REDIC1: variants seen among roughly 807,000 people sequenced by gnomAD.
The protein encoded by REDIC1 is HEI10 Interacting Protein 1.
At chr12:39,813,286 T>C in the REDIC1 span, among the ~76,000 whole-genome samples, 1 of 152,140 alleles carries the variant, frequency 6.6e-6, no homozygotes, top group Non-Finnish European at 1.5e-5. Flanking sequence ...GCATTTATTT[T>C]GACATACATC....
At chr12:39,802,865 T>C in the REDIC1 span, among the ~76,000 whole-genome samples, 80 of 152,192 alleles carry the variant, frequency 5.3e-4, no homozygotes, top group East Asian at 9.5e-3. Flanking sequence ...ATGAATAATC[T>C]AGGAACCTCC....
chr12:39,890,171 T>C, the REDIC1 span, among the ~76,000 whole-genome samples: 3 of 152,172 alleles, frequency 2.0e-5, no homozygotes, highest in South Asian at 2.1e-4. Flanking sequence ...TTGAGTTATA[T>C]GTAATGAAGA....
the REDIC1 span, among the ~76,000 whole-genome samples, chr12:39,876,881 C>T: frequency 2.4e-4 from 37 of 152,116 alleles, no homozygotes; most frequent in Non-Finnish European, 4.6e-4. Flanking sequence ...AGGCCATATT[C>T]ATATTGTGAT....
At chr12:39,673,580 C>T in the REDIC1 span, among the ~76,000 whole-genome samples, 1 of 152,118 alleles carries the variant, frequency 6.6e-6, no homozygotes, top group Admixed American at 6.5e-5. Flanking sequence ...CAGCTTTACC[C>T]CTCTTCTGTT....
At chr12:39,669,697 C>A in the REDIC1 span, among the ~76,000 whole-genome samples, 1 of 152,184 alleles carries the variant, frequency 6.6e-6, no homozygotes. Context: ...GCGGTGGGCT[C>A]CACCCAGTTG....
the REDIC1 span, among the ~76,000 whole-genome samples, chr12:39,865,076 C>T: frequency 1.3e-5 from 2 of 152,140 alleles, no homozygotes; most frequent in Non-Finnish European, 2.9e-5. Flanking sequence ...TATTCACTAG[C>T]ACGTTCATTG....
chr12:39,886,045 T>C, the REDIC1 span, among the ~76,000 whole-genome samples: 1 of 152,208 alleles, frequency 6.6e-6, no homozygotes, highest in Non-Finnish European at 1.5e-5. Context: ...TGCTTCTTCA[T>C]GTGTTTAAGC....
chr12:39,838,076 G>A, the REDIC1 span, among the ~76,000 whole-genome samples: 1 of 148,380 alleles, frequency 6.7e-6, no homozygotes, highest in African/African-American at 2.5e-5. Context: ...CAATAGCAAA[G>A]ACTTGGAACC....
the REDIC1 span, among the ~76,000 whole-genome samples, chr12:39,652,538 T>C: frequency 6.6e-6 from 1 of 152,146 alleles, no homozygotes; most frequent in Admixed American, 6.5e-5. Flanking sequence ...TGGTGAAATG[T>C]TTACCCTTTT....
chr12:39,721,427 A>T, the REDIC1 span: 10 of 572,688 alleles, frequency 1.7e-5, no homozygotes, highest in South Asian at 1.9e-4. Context: ...TTATTAATGT[A>T]TGTATTTAAT....
the REDIC1 span, among the ~76,000 whole-genome samples, chr12:39,655,398 C>T: frequency 6.6e-6 from 1 of 152,056 alleles, no homozygotes; most frequent in South Asian, 2.1e-4. Context: ...ACAGCTAGAC[C>T]TAATAAGGCT....
the REDIC1 span, among the ~76,000 whole-genome samples, chr12:39,723,238 C>A: frequency 6.6e-6 from 1 of 152,134 alleles, no homozygotes; most frequent in African/African-American, 2.4e-5. Context: ...CTATAATAAA[C>A]TATAACTGTG....
chr12:39,746,393 T>C, the REDIC1 span, among the ~76,000 whole-genome samples: 1 of 152,124 alleles, frequency 6.6e-6, no homozygotes, highest in Non-Finnish European at 1.5e-5. Flanking sequence ...GTGCCCACCA[T>C]TGCTGAGGCT....
chr12:39,764,381 T>C, the REDIC1 span: 3 of 1,261,468 alleles, frequency 2.4e-6, no homozygotes, highest in Non-Finnish European at 3.2e-6. Context: ...ATAGTCTCAA[T>C]CACAAATGAT....
At chr12:39,660,878 T>C in the REDIC1 span, among the ~76,000 whole-genome samples, 3 of 152,230 alleles carry the variant, frequency 2.0e-5, no homozygotes, top group African/African-American at 7.2e-5. Flanking sequence ...CCACGAGAGA[T>C]TAACTTTTTT....
chr12:39,751,317 C>T, the REDIC1 span, among the ~76,000 whole-genome samples: 1 of 152,188 alleles, frequency 6.6e-6, no homozygotes, highest in Admixed American at 6.5e-5. Context: ...CATCACTGGC[C>T]ATCAGAGAAA....
At chr12:39,877,886 A>G in the REDIC1 span, among the ~76,000 whole-genome samples, 1 of 152,196 alleles carries the variant, frequency 6.6e-6, no homozygotes, top group African/African-American at 2.4e-5. Flanking sequence ...GTGCTGAGGT[A>G]GGGCATGGTG....
the REDIC1 span, chr12:39,716,658 C>A: frequency 1.2e-6 from 1 of 821,606 alleles, no homozygotes; most frequent in Non-Finnish European, 1.9e-6. Flanking sequence ...GTGTTGTTAG[C>A]TAAATTTGTT....
At chr12:39,634,696 A>G in the REDIC1 span, among the ~76,000 whole-genome samples, 2 of 152,194 alleles carry the variant, frequency 1.3e-5, no homozygotes, top group African/African-American at 4.8e-5. Flanking sequence ...AGAAGAACCT[A>G]GGCAATACCA....
Sources: gnomAD v4.1 joint callset for allele counts (sites outside exome capture counted in the v4.1 genomes callset) on GRCh38, gnomAD v4.1.1 for gene constraint, MANE v1.5 for transcripts, NCBI Gene and HGNC (gene_info 2026-07-23, HGNC 2026-07-21) for gene names.